Variants in CHN1 observed in about 807,000 individuals in gnomAD.
CHN1 encodes N-chimaerin.
Under a neutral mutation model 59.5 loss-of-function variants are expected in CHN1, and 37 were observed. The ratio of observed to expected loss-of-function variants is 0.62; its 90% CI spans 0.48 to 0.82. The LOEUF (loss-of-function observed/expected upper bound fraction) is 0.82. Among genes scored for constraint, CHN1 ranks in the 40% least tolerant of loss-of-function variants. CHN1 has a pLI of 0.00. For missense variants in CHN1, 469 were observed against 571.0 expected (o/e 0.82, Z 1.82); for synonymous variants, 206 against 200.4 (o/e 1.03, Z -0.24).
intron 5 of CHN1, among the ~76,000 whole-genome samples, chr2:174,885,328 T>C (rs1687865807): frequency 6.6e-6 from 1 of 151,500 alleles, no homozygotes; most frequent in African/African-American, 2.4e-5. Flanking sequence ...TACATATAAC[T>C]GCCAAAATAT....
chr2:174,850,830 T>C (rs1686706457), intron 6 of CHN1, among the ~76,000 whole-genome samples: 1 of 152,152 alleles, frequency 6.6e-6, no homozygotes, highest in South Asian at 2.1e-4. Flanking sequence ...AAGTGGAAAG[T>C]GGCAAGAAAA....
At position 174,965,332 on chromosome 2, in the gene CHN1, A is replaced by AT. The variant is rs968970942; in HGVS notation, c.20-13131dup. Reference sequence around the variant, plus strand: ...TTCTTTTTGTATCATTATATAATCTATATCTTATGCATTCTTTGGTTTAGA... The same window carrying AT: ...TTCTTTTTGTATCATTATATAATCTATTATCTTATGCATTCTTTGGTTTAGA... On this transcript the variant is annotated intron_variant, in intron 1 of 12. Coordinates refer to ENST00000409900, the MANE Select transcript of CHN1 (RefSeq NM_001822.7). Among the ~76,000 whole-genome samples, 213 of 152,176 alleles carry AT rather than the reference A, an allele frequency of 1.4e-3. 1 individual carries two copies. Among genetic ancestry groups the AT allele is most frequent in the African/African-American group, 5.0e-3 (206 of 41,546 alleles).
At chr2:174,808,190 C>T (rs1684962132) in intron 11 of CHN1, among the ~76,000 whole-genome samples, 2 of 152,322 alleles carry the variant, frequency 1.3e-5, no homozygotes, top group South Asian at 4.1e-4. Context: ...TATACAAGCA[C>T]AGAAACTGAG....
intron 7 of CHN1, among the ~76,000 whole-genome samples, chr2:174,842,760 C>T (rs1191999645): frequency 6.6e-6 from 1 of 152,134 alleles, no homozygotes; most frequent in Non-Finnish European, 1.5e-5. Flanking sequence ...ATCTCTTTTT[C>T]CTAGTAGGTC....
In CHN1 at chr2:175,005,019, C is replaced by A; in HGVS notation, c.-107G>T. On this transcript the variant is annotated 5_prime_UTR_variant, in exon 1 of 13. Transcript: ENST00000409900. ...CACACCTCGGAGAGAGTGGGGTGCCCGATGGGGCGTGCTGGGGGCGCCGGC... is the reference window on the plus strand; with the variant it reads ...CACACCTCGGAGAGAGTGGGGTGCCAGATGGGGCGTGCTGGGGGCGCCGGC... 6.8e-7 allele frequency: 1 copy of A among 1,470,332 alleles called. No homozygotes were observed. The highest frequency in any genetic ancestry group is 2.2e-5 in the Admixed American group (1 of 45,356). 91.1% of individuals were successfully genotyped at this position (1,470,332 alleles called of 1,614,324 possible).
chr2:174,985,581 C>T (rs1691312263), intron 1 of CHN1, among the ~76,000 whole-genome samples: 1 of 152,132 alleles, frequency 6.6e-6, no homozygotes, highest in Admixed American at 6.5e-5. Context: ...AGACTACAAG[C>T]CTCATAAATC....
chr2:174,884,539 C>G lies in CHN1; in HGVS notation c.261-6411G>C, dbSNP rs546851716. ...AACCAGTACCTGCAATATTGTTTAA[C>G]AAAGGGGTTTTGTATTATTTACTAA... On this transcript the variant is annotated intron_variant, in intron 5 of 12. Coordinates refer to ENST00000409900, the MANE Select transcript of CHN1 (RefSeq NM_001822.7). Among the ~76,000 whole-genome samples the G allele has an allele frequency of 3.8e-4, 58 of 152,220 alleles. No homozygotes were observed. In the South Asian group the frequency reaches 0.011, roughly 30 times the overall value.
At chr2:174,861,108 A>G (rs1687054688) in intron 6 of CHN1, among the ~76,000 whole-genome samples, 2 of 152,182 alleles carry the variant, frequency 1.3e-5, no homozygotes, top group African/African-American at 4.8e-5. Context: ...TTGGCTCTTG[A>G]GTAAAAACTA....
intron 6 of CHN1, among the ~76,000 whole-genome samples, chr2:174,868,991 C>T (rs1307423022): frequency 1.3e-5 from 2 of 152,154 alleles, no homozygotes; most frequent in African/African-American, 2.4e-5. Flanking sequence ...CTCTACTTTC[C>T]CATCAACTGT....
intron 8 of CHN1, among the ~76,000 whole-genome samples, chr2:174,824,116 GCAA>G (rs1400387895): frequency 6.6e-6 from 1 of 152,118 alleles, no homozygotes; most frequent in African/African-American, 2.4e-5. Flanking sequence ...TTTAGTTACT[GCAA>G]CATCAAAGGC....
intron 3 of CHN1, among the ~76,000 whole-genome samples, chr2:174,936,189 T>A (rs1241082341): frequency 6.6e-6 from 1 of 152,142 alleles, no homozygotes. Context: ...AAAAATGCTA[T>A]CCAACTCCCT....
chr2:174,944,812 A>G, intron 3 of CHN1, 76 bp downstream of exon 3: 1 of 979,686 alleles, frequency 1.0e-6, no homozygotes, highest in East Asian at 2.6e-5. Flanking sequence ...CAAACAACCA[A>G]GCCACTGAAG....
chr2:174,915,183 A>C lies in CHN1; in HGVS notation c.147-12T>G. The C allele has an allele frequency of 6.3e-7, 1 of 1,586,034 alleles. No individual in the cohort carries two copies. The highest frequency in any genetic ancestry group is 8.6e-7 in the Non-Finnish European group (1 of 1,160,120). On this transcript the variant is annotated splice_polypyrimidine_tract_variant and intron_variant, in intron 4 of 12. Transcript: ENST00000409900. The stretch of plus-strand genomic sequence containing the variant: ...TCATGCCATGAAACCTAAGAAACAA[A>C]GTCTATTCAGAAACTGTGCTTTCTA...
intron 1 of CHN1, among the ~76,000 whole-genome samples, chr2:174,962,847 T>A (rs1039651073): frequency 5.9e-5 from 9 of 151,818 alleles, no homozygotes; most frequent in Non-Finnish European, 1.3e-4. Flanking sequence ...GAGGCAGAGG[T>A]TGCAGCGAGC....
intron 3 of CHN1, among the ~76,000 whole-genome samples, chr2:174,926,700 T>A (rs1218149567): frequency 6.6e-6 from 1 of 152,150 alleles, no homozygotes; most frequent in African/African-American, 2.4e-5. Flanking sequence ...AAATTGTGTA[T>A]TTGGTGAAAG....
chr2:174,881,562 T>C (rs1356883362), intron 5 of CHN1, among the ~76,000 whole-genome samples: 4 of 152,192 alleles, frequency 2.6e-5, no homozygotes, highest in African/African-American at 2.4e-5. Context: ...GGTAGTTCCC[T>C]TTCTCCTTCT....
At chr2:174,826,049 T>C (rs1685670419) in intron 7 of CHN1, among the ~76,000 whole-genome samples, 1 of 152,244 alleles carries the variant, frequency 6.6e-6, no homozygotes, top group African/African-American at 2.4e-5. Flanking sequence ...CCTGGGTTCA[T>C]TCAAAGCAGG....
At chr2:174,898,408 T>C (rs1321763999) in intron 5 of CHN1, among the ~76,000 whole-genome samples, 1 of 148,356 alleles carries the variant, frequency 6.7e-6, no homozygotes, top group African/African-American at 2.5e-5. Context: ...GAGACCATCC[T>C]GGCCAACATG....
intron 5 of CHN1, among the ~76,000 whole-genome samples, chr2:174,891,117 G>A (rs1433052411): frequency 9.7e-5 from 13 of 134,170 alleles, no homozygotes; most frequent in African/African-American, 3.8e-4. Context: ...CTCCAGCTTG[G>A]GCGACAGAGC....
Sources: allele counts gnomAD v4.1 joint callset (sites outside exome capture counted in the v4.1 genomes callset), GRCh38; gene constraint gnomAD v4.1.1; transcripts MANE v1.5; gene names NCBI Gene and HGNC (gene_info 2026-07-23, HGNC 2026-07-21).